The following PITPNC1 variants were observed in gnomAD, a reference collection of about 807,000 sequenced individuals.
PITPNC1 encodes the protein cytoplasmic phosphatidylinositol transfer protein 1.
A neutral mutation model predicts 44.7 loss-of-function variants in PITPNC1; 18 were observed. The ratio of observed to expected loss-of-function variants is 0.40; its 90% CI spans 0.28 to 0.60. The LOEUF is 0.60. Among genes scored for constraint, PITPNC1 ranks in the 20% least tolerant of loss-of-function variants. PITPNC1 has a pLI of 0.39. For synonymous variants in PITPNC1, 141 were observed against 149.6 expected, an observed-to-expected ratio of 0.94 and a Z score of 0.42; for missense variants, 290 against 418.4, an observed-to-expected ratio of 0.69 and a Z score of 2.68.
intron 6 of PITPNC1, among the ~76,000 whole-genome samples, chr17:67,634,235 C>A (rs553589020): frequency 4.1e-4 from 62 of 152,264 alleles, no homozygotes; most frequent in African/African-American, 1.4e-3. Flanking sequence ...AGTAATTATT[C>A]ATCCAATAAA....
At chr17:67,658,451 C>T (rs1219023709) in intron 6 of PITPNC1, among the ~76,000 whole-genome samples, 1 of 152,212 alleles carries the variant, frequency 6.6e-6, no homozygotes, top group African/African-American at 2.4e-5. Flanking sequence ...AAGCCCCAGG[C>T]TCAGCCATAT....
intron 1 of PITPNC1, among the ~76,000 whole-genome samples, chr17:67,400,823 A>AT (rs1173972963): frequency 3.3e-5 from 5 of 150,902 alleles, no homozygotes; most frequent in African/African-American, 1.2e-4. Context: ...ATATAAATAT[A>AT]TAATAAAAGT....
In PITPNC1 at chr17:67,506,416, G is replaced by A. The variant is rs2040101354; in HGVS notation, c.49-26386G>A. On this transcript the variant is annotated intron_variant, in intron 1 of 8. Transcript: ENST00000581322. ...CCTAATCATGAATTTCAGTCTTTGG[G>A]AGAAGGAATGGCCCTCATGGGGTGG... 2.0e-5 allele frequency among the ~76,000 whole-genome samples: 3 copies of A among 152,116 alleles called. No homozygotes were observed. In the South Asian group the frequency reaches 6.2e-4, roughly 32 times the overall value.
chr17:67,574,692 G>C (rs113219525), intron 4 of PITPNC1, among the ~76,000 whole-genome samples: 1 of 152,114 alleles, frequency 6.6e-6, no homozygotes, highest in Non-Finnish European at 1.5e-5. Flanking sequence ...TTTCAGTGAC[G>C]GCACTGAAGA....
intron 1 of PITPNC1, among the ~76,000 whole-genome samples, chr17:67,492,584 T>C (rs1051377654): frequency 2.0e-5 from 3 of 152,096 alleles, no homozygotes; most frequent in Admixed American, 2.0e-4. Flanking sequence ...GGTGATTTGA[T>C]AAGGAAACTA....
At chr17:67,603,552 G>A (rs1196155728) in intron 5 of PITPNC1, among the ~76,000 whole-genome samples, 1 of 152,154 alleles carries the variant, frequency 6.6e-6, no homozygotes, top group Non-Finnish European at 1.5e-5. Context: ...GTCAGATCTA[G>A]GACTCAATTC....
chr17:67,641,039 A>G (rs1240190794), intron 6 of PITPNC1, among the ~76,000 whole-genome samples: 1 of 152,128 alleles, frequency 6.6e-6, no homozygotes, highest in African/African-American at 2.4e-5. Context: ...GTATAATGAC[A>G]CAAATGCTAA....
intron 8 of PITPNC1, among the ~76,000 whole-genome samples, chr17:67,691,470 T>C (rs915222191): frequency 8.5e-5 from 13 of 152,230 alleles, no homozygotes; most frequent in African/African-American, 2.7e-4. Context: ...ATCCTCACTA[T>C]TAAATGATCC....
intron 1 of PITPNC1, among the ~76,000 whole-genome samples, chr17:67,389,766 G>T (rs997106459): frequency 1.3e-5 from 2 of 151,936 alleles, no homozygotes. Flanking sequence ...TGCACCCTCC[G>T]CTTCCTGGGT....
At position 67,597,683 on chromosome 17, in the gene PITPNC1, T is replaced by C. The variant is rs940476142; in HGVS notation, c.366+19426T>C. The stretch of plus-strand genomic sequence containing the variant: ...AGGATGCTTTTAATGGTGCCTTAAT[T>C]CATCGTACAAGAAACATTTGTTAAA... On this transcript the variant is annotated intron_variant, in intron 5 of 8. Coordinates refer to ENST00000581322, the MANE Select transcript of PITPNC1 (RefSeq NM_012417.4). This position sits in a 1 kb window ranked among gnomAD's most constrained non-coding sequence, Gnocchi z 4.0. 2.0e-5 allele frequency among the ~76,000 whole-genome samples: 3 copies of C among 152,354 alleles called. 1 individual carries two copies. In the South Asian group the frequency reaches 6.2e-4, roughly 32 times the overall value.
chr17:67,663,585 A>G (rs540690996), intron 6 of PITPNC1, among the ~76,000 whole-genome samples: 1 of 152,096 alleles, frequency 6.6e-6, no homozygotes, highest in African/African-American at 2.4e-5. Flanking sequence ...AAGGACAAAA[A>G]AAAAAAAGTT....
At chr17:67,387,511 C>T (rs1441427098) in intron 1 of PITPNC1, among the ~76,000 whole-genome samples, 1 of 151,928 alleles carries the variant, frequency 6.6e-6, no homozygotes, top group Non-Finnish European at 1.5e-5. Context: ...ACTAAAAACA[C>T]AAAAATTAGC....
intron 1 of PITPNC1, among the ~76,000 whole-genome samples, chr17:67,474,892 A>G (rs1452411353): frequency 6.6e-6 from 1 of 151,876 alleles, no homozygotes; most frequent in Non-Finnish European, 1.5e-5. Context: ...GGGCTCAAGC[A>G]GTCCTCCTAC....
At chr17:67,422,850 A>T (rs2038691300) in intron 1 of PITPNC1, among the ~76,000 whole-genome samples, 1 of 152,138 alleles carries the variant, frequency 6.6e-6, no homozygotes, top group Non-Finnish European at 1.5e-5. Context: ...AGCTTACTCA[A>T]ACAATGTCTA....
At chr17:67,609,442 A>T (rs925796883) in intron 5 of PITPNC1, among the ~76,000 whole-genome samples, 6 of 151,838 alleles carry the variant, frequency 4.0e-5, no homozygotes, top group African/African-American at 1.5e-4. Context: ...GGCATGCGCC[A>T]CCATGCCCGG....
At chr17:67,660,468 G>C (rs1598947061) in intron 6 of PITPNC1, among the ~76,000 whole-genome samples, 1 of 151,798 alleles carries the variant, frequency 6.6e-6, no homozygotes, top group East Asian at 1.9e-4. Context: ...CTACGGGCCA[G>C]GCCCTATATT....
intron 1 of PITPNC1, among the ~76,000 whole-genome samples, chr17:67,466,562 C>T (rs2039431006): frequency 6.6e-6 from 1 of 152,160 alleles, no homozygotes; most frequent in Admixed American, 6.5e-5. Flanking sequence ...CTAACTCATC[C>T]CTTTTAACAC....
intron 1 of PITPNC1, among the ~76,000 whole-genome samples, chr17:67,384,427 T>C (rs1311292758): frequency 1.9e-5 from 2 of 102,980 alleles, no homozygotes; most frequent in African/African-American, 5.6e-5. Flanking sequence ...TTCCTTGTTC[T>C]CTTTTTTTTT....
At chr17:67,643,400 G>T (rs780493324) in intron 6 of PITPNC1, among the ~76,000 whole-genome samples, 47 of 152,164 alleles carry the variant, frequency 3.1e-4, no homozygotes, top group Non-Finnish European at 5.4e-4. Context: ...AAGAAAGAAA[G>T]AAAGAACCCT....
Sources: gnomAD v4.1 joint callset for allele counts (sites outside exome capture counted in the v4.1 genomes callset) on GRCh38, gnomAD v4.1.1 for gene constraint, Gnocchi (gnomAD v3.1) non-coding constraint, MANE v1.5 for transcripts, NCBI Gene and HGNC (gene_info 2026-07-23, HGNC 2026-07-21) for gene names.